Variants in DST observed in about 807,000 individuals in gnomAD.
The protein encoded by DST is dystonin.
A neutral mutation model predicts 875.2 loss-of-function variants in DST; 253 were observed. The observed-to-expected ratio is 0.29, with a 90% CI of 0.26 to 0.32. DST has a LOEUF of 0.32. DST is among the 10% of genes least tolerant of loss of function. The pLI is 1.00. For synonymous variants in DST, 3,124 were observed against 3,197.1 expected (o/e 0.98, Z 0.77); for missense variants, 8,287 against 9,111.6 (o/e 0.91, Z 3.68).
At position 56,553,248 on chromosome 6, in the gene DST, T is replaced by A; in HGVS notation, c.15544A>T (p.Ile5182Leu). Residue 5182 changes from isoleucine (I) to leucine (L), a missense_variant, in exon 61 of 104, where the codon ATA (isoleucine) becomes TTA (leucine). This residue lies in a region of DST where 1,513 missense variants were observed against 1,677.8 expected (regional missense o/e 0.90). Coordinates refer to ENST00000680361, the MANE Select transcript of DST (RefSeq NM_001374736.1). ...KEQVETLWPW[I>L]DKCQNNLEEI... ...TCCAGGTTGTTTTGGCATTTGTCTATCCATGGCCAGAGAGTCTCTACTTGC... is the reference window on the plus strand; with the variant it reads ...TCCAGGTTGTTTTGGCATTTGTCTAACCATGGCCAGAGAGTCTCTACTTGC... 1 of 1,613,848 alleles carries A rather than the reference T, an allele frequency of 6.2e-7. No homozygotes were observed. Among genetic ancestry groups the A allele is most frequent in the South Asian group, 1.1e-5 (1 of 91,082 alleles).
chr6:56,826,562 A>AT (rs1189425139), intron 4 of DST, among the ~76,000 whole-genome samples: 10 of 152,104 alleles, frequency 6.6e-5, no homozygotes, highest in Admixed American at 6.5e-5. Context: ...TGCATATAGA[A>AT]TTTTTTTCTT....
intron 83 of DST, among the ~76,000 whole-genome samples, chr6:56,493,356 A>G (rs2095811197): frequency 6.6e-6 from 1 of 152,226 alleles, no homozygotes; most frequent in African/African-American, 2.4e-5. Flanking sequence ...AATTAACCAA[A>G]GAACACAATT....
rs1554555956 is a variant in DST at position 56,642,740 on chromosome 6, T to C, written c.1779-237A>G. ...AGACTGGTTCGAGTGCTGGTAGTGTTACTAAACACAGAATCACTGCTACGG... is the reference window on the plus strand; with the variant it reads ...AGACTGGTTCGAGTGCTGGTAGTGTCACTAAACACAGAATCACTGCTACGG... On this transcript the variant is annotated intron_variant, in intron 15 of 103. Transcript: ENST00000680361. 13 of 1,614,126 alleles carry C rather than the reference T, an allele frequency of 8.1e-6. No individual in the cohort carries two copies. The highest frequency in any genetic ancestry group is 1.0e-5 in the Non-Finnish European group (12 of 1,179,982).
intron 50 of DST, among the ~76,000 whole-genome samples, chr6:56,576,991 G>C (rs749752182): frequency 2.0e-5 from 3 of 152,108 alleles, no homozygotes; most frequent in African/African-American, 7.2e-5. Flanking sequence ...TGTCACTGAA[G>C]TAAATTCTTC....
At chr6:56,871,663 C>T (rs1777162613) in intron 3 of DST, 1 of 717,168 alleles carries the variant, frequency 1.4e-6, no homozygotes, top group Non-Finnish European at 2.6e-6. Flanking sequence ...CAAATTGTTC[C>T]TAAACCAGAA....
At chr6:56,684,232 C>T (rs1563664225) in intron 9 of DST, among the ~76,000 whole-genome samples, 1 of 152,138 alleles carries the variant, frequency 6.6e-6, no homozygotes, top group Admixed American at 6.6e-5. Flanking sequence ...CTTAGATATT[C>T]CCTGAAAGCT....
chr6:56,686,739 G>T (rs1432269671), intron 9 of DST, among the ~76,000 whole-genome samples: 1 of 152,218 alleles, frequency 6.6e-6, no homozygotes, highest in Non-Finnish European at 1.5e-5. Context: ...CTAAAGGAGA[G>T]AAAGAAGTGT....
chr6:56,571,185 T>C (rs545593057), intron 53 of DST, among the ~76,000 whole-genome samples: 1 of 152,336 alleles, frequency 6.6e-6, no homozygotes, highest in East Asian at 1.9e-4. Flanking sequence ...ATCTGGCATG[T>C]GGATGACACG....
chr6:56,951,373 C>T, intron 2 of DST, among the ~76,000 whole-genome samples: 1 of 152,150 alleles, frequency 6.6e-6, no homozygotes. Flanking sequence ...TATGATTTGT[C>T]AGAAATCAAA....
chr6:56,746,551 C>T (rs1306739875), intron 4 of DST, among the ~76,000 whole-genome samples: 5 of 151,620 alleles, frequency 3.3e-5, no homozygotes, highest in Admixed American at 3.3e-4. Context: ...AAGAGGTTTA[C>T]AAGATCAGTG....
At chr6:56,569,315 ACT>A (rs1316923024) in intron 54 of DST, among the ~76,000 whole-genome samples, 5 of 129,318 alleles carry the variant, frequency 3.9e-5, no homozygotes, top group African/African-American at 1.2e-4. Flanking sequence ...AAAGAGCAAG[ACT>A]CTGTCTCGAA....
intron 10 of DST, among the ~76,000 whole-genome samples, chr6:56,659,283 G>C (rs2099026419): frequency 6.6e-6 from 1 of 152,154 alleles, no homozygotes; most frequent in African/African-American, 2.4e-5. Context: ...AGGGCTGTAA[G>C]CATGGATGAG....
At chr6:56,489,783 C>A (rs2095675737) in intron 85 of DST, among the ~76,000 whole-genome samples, 174 bp from the exon 86 acceptor site, 1 of 152,130 alleles carries the variant, frequency 6.6e-6, no homozygotes, top group Non-Finnish European at 1.5e-5. Flanking sequence ...CAAAAAAAGT[C>A]TTGATAATGC....
chr6:56,752,667 T>C (rs1224800264), intron 4 of DST, among the ~76,000 whole-genome samples: 1 of 152,250 alleles, frequency 6.6e-6, no homozygotes, highest in Non-Finnish European at 1.5e-5. Flanking sequence ...TTCCTTGTGA[T>C]TATGGAGAGG....
At chr6:56,470,338 T>C in intron 95 of DST, 56 bp from the exon 96 acceptor site, 1 of 1,393,696 alleles carries the variant, frequency 7.2e-7, no homozygotes, top group Non-Finnish European at 9.7e-7. Context: ...CTCAAGACAT[T>C]CTCAATTGCA....
intron 4 of DST, among the ~76,000 whole-genome samples, chr6:56,737,842 A>G (rs555355869): frequency 2.4e-4 from 36 of 152,344 alleles, no homozygotes; most frequent in African/African-American, 7.9e-4. Flanking sequence ...AGTTATAATC[A>G]TATTATGTAC....
intron 4 of DST, among the ~76,000 whole-genome samples, chr6:56,842,036 A>G (rs1216663043): frequency 6.6e-6 from 1 of 152,134 alleles, no homozygotes; most frequent in Non-Finnish European, 1.5e-5. Flanking sequence ...AACAATTGTG[A>G]GTGTATTTGG....
intron 3 of DST, among the ~76,000 whole-genome samples, chr6:56,878,180 C>T (rs569053456): frequency 6.6e-6 from 1 of 152,128 alleles, no homozygotes; most frequent in Non-Finnish European, 1.5e-5. Context: ...AGCCAGAAAC[C>T]AAGAGGAGAG....
At chr6:56,668,761 T>A (rs1024660847) in intron 10 of DST, among the ~76,000 whole-genome samples, 4 of 151,522 alleles carry the variant, frequency 2.6e-5, no homozygotes, top group African/African-American at 9.7e-5. Context: ...AGAACAAAAT[T>A]CCGTCTCAAA....
Sources: gnomAD v4.1 joint callset for allele counts (sites outside exome capture counted in the v4.1 genomes callset) on GRCh38, gnomAD v4.1.1 for gene constraint, gnomAD v4.1.1 regional missense constraint, MANE v1.5 for transcripts, NCBI Gene and HGNC (gene_info 2026-07-23, HGNC 2026-07-21) for gene names.